The following CRK variants were observed in gnomAD, a reference collection of about 807,000 sequenced individuals.
CRK encodes CRK proto-oncogene, adaptor protein, also known as adapter molecule crk.
In CRK, 4 loss-of-function variants were observed where a neutral mutation model predicts 29.8. The ratio of observed to expected loss-of-function variants is 0.13; its 90% CI spans 0.07 to 0.31. CRK has a LOEUF of 0.31. Ranked by LOEUF, CRK falls within the 10% of genes least tolerant of loss-of-function variation. The probability of loss-of-function intolerance (pLI) is 1.00; values close to 1 mark genes in which losing one functional copy is unlikely to be tolerated. For missense variants in CRK, 274 were observed against 396.5 expected (o/e 0.69, Z 2.62); for synonymous variants, 153 against 164.9 (o/e 0.93, Z 0.55).
At chr17:1,440,457 T>C (rs1463637571) in intron 1 of CRK, among the ~76,000 whole-genome samples, 1 of 151,324 alleles carries the variant, frequency 6.6e-6, no homozygotes, top group Non-Finnish European at 1.5e-5. Context: ...AGCAAGACCT[T>C]GACTCTTAAA....
chr17:1,441,472 G>A (rs1257841398), intron 1 of CRK, among the ~76,000 whole-genome samples: 1 of 152,004 alleles, frequency 6.6e-6, no homozygotes, highest in Non-Finnish European at 1.5e-5. Flanking sequence ...GGGACTAAAG[G>A]TGCGGGTGGC....
At position 1,430,043 on chromosome 17, in the gene CRK, TGA is replaced by T. The variant is rs770793922; in HGVS notation, c.778-6395_778-6394del. Among the ~76,000 whole-genome samples, 653 of 145,706 alleles carry T rather than the reference TGA, an allele frequency of 4.5e-3. 1 individual carries two copies. The highest frequency in any genetic ancestry group is 0.014 in the Middle Eastern group (4 of 288). The stretch of plus-strand genomic sequence containing the variant: ...GATAATGGCTATGCCATAACTCAAA[TGA>T]TTTTTTTTTTTTTTTAAAGACAGAG... On this transcript the variant is annotated intron_variant, in intron 2 of 2. Coordinates refer to ENST00000300574, the MANE Select transcript of CRK (RefSeq NM_016823.4).
chr17:1,428,817 C>T (rs921822489), intron 2 of CRK, among the ~76,000 whole-genome samples: 4 of 151,660 alleles, frequency 2.6e-5, no homozygotes, highest in South Asian at 4.1e-4. Context: ...CCACCACGCC[C>T]GGCTCAGAAC....
chr17:1,447,607 CTTT>C (rs34998406), intron 1 of CRK, among the ~76,000 whole-genome samples: 55 of 117,798 alleles, frequency 4.7e-4, no homozygotes, highest in Admixed American at 2.5e-3. Flanking sequence ...TTCTCTTTTC[CTTT>C]TTTTTTTTTT....
At chr17:1,452,508 C>T (rs927368111) in intron 1 of CRK, among the ~76,000 whole-genome samples, 18 of 152,122 alleles carry the variant, frequency 1.2e-4, no homozygotes, top group Non-Finnish European at 1.5e-5. Flanking sequence ...ACAGACAGGC[C>T]AGGCGCTGGT....
At chr17:1,428,946 A>G (rs921795235) in intron 2 of CRK, among the ~76,000 whole-genome samples, 2 of 148,992 alleles carry the variant, frequency 1.3e-5, no homozygotes, top group African/African-American at 2.5e-5. Context: ...CCTGGGTTCA[A>G]GCGATTCTCC....
chr17:1,450,359 T>C (rs1308619061), intron 1 of CRK, among the ~76,000 whole-genome samples: 1 of 151,524 alleles, frequency 6.6e-6, no homozygotes, highest in Non-Finnish European at 1.5e-5. Context: ...TACAAAAAAT[T>C]AGCCGGGCAT....
Position 1,427,072 on chromosome 17 carries a change from A to AAAAAAAAAAAG in CRK, c.778-3423_778-3422insCTTTTTTTTTT, listed in dbSNP as rs778793991. 6.0e-4 allele frequency among the ~76,000 whole-genome samples: 55 copies of AAAAAAAAAAAG among 92,070 alleles called. 15 individuals are homozygous for AAAAAAAAAAAG. The highest frequency in any genetic ancestry group is 9.2e-4 in the Non-Finnish European group (44 of 47,910). The allele number at this position is 92,070 out of a possible 152,430, so 60.4% of individuals were successfully genotyped here. A position where few individuals can be genotyped will look rare whatever the true frequency, so the allele number is the denominator to read the frequency against. ...AAAAAAAAAAAAAAAAAAAAAAAAA[A>AAAAAAAAAAAG]GATTCTGACATGCCCCAGCCAGGCT... On this transcript the variant is annotated intron_variant, in intron 2 of 2. Transcript: ENST00000300574.
chr17:1,432,631 G>A (rs1297738564), intron 2 of CRK, among the ~76,000 whole-genome samples: 1 of 151,888 alleles, frequency 6.6e-6, no homozygotes, highest in East Asian at 1.9e-4. Context: ...TAAAAAATTA[G>A]CCAGGCGTGG....
At chr17:1,448,630 AAAAAAAAAAAAAG>A (rs1452088301) in intron 1 of CRK, among the ~76,000 whole-genome samples, 6 of 144,354 alleles carry the variant, frequency 4.2e-5, no homozygotes, top group Non-Finnish European at 7.6e-5. Context: ...CAAAAAAAAA[AAAAAAAAAAAAAG>A]AAAAAGTGGC....
intron 2 of CRK, among the ~76,000 whole-genome samples, chr17:1,434,554 G>A (rs1365129533): frequency 1.3e-5 from 2 of 152,034 alleles, no homozygotes; most frequent in African/African-American, 4.8e-5. Flanking sequence ...AGGCTGAGGC[G>A]GGTGGATCAC....
Position 1,429,248 on chromosome 17 carries a change from T to C in CRK, c.778-5598A>G, listed in dbSNP as rs555118939. 1.1e-3 allele frequency among the ~76,000 whole-genome samples: 174 copies of C among 152,172 alleles called. 1 individual carries two copies. The highest frequency in any genetic ancestry group is 4.0e-3 in the African/African-American group (168 of 41,518). On this transcript the variant is annotated intron_variant, in intron 2 of 2. Coordinates refer to ENST00000300574, the MANE Select transcript of CRK (RefSeq NM_016823.4). ...GGCCTGCACCTGTAGTCCCAGCTACTTGGGAGACTGAGGGGAGAGGAACCC... is the reference window on the plus strand; with the variant it reads ...GGCCTGCACCTGTAGTCCCAGCTACCTGGGAGACTGAGGGGAGAGGAACCC...
At chr17:1,432,087 T>C (rs1301547706) in intron 2 of CRK, among the ~76,000 whole-genome samples, 2 of 152,160 alleles carry the variant, frequency 1.3e-5, no homozygotes, top group African/African-American at 2.4e-5. Flanking sequence ...AGGAACTGTT[T>C]TACTGTCCAG....
chr17:1,447,862 C>T (rs1377833609), intron 1 of CRK, among the ~76,000 whole-genome samples: 3 of 152,110 alleles, frequency 2.0e-5, no homozygotes, highest in Admixed American at 2.0e-4. Context: ...AGTGATCAGC[C>T]AGCCTCAGCC....
intron 2 of CRK, among the ~76,000 whole-genome samples, chr17:1,435,467 G>A (rs2073879838): frequency 6.8e-6 from 1 of 146,544 alleles, no homozygotes. Context: ...AAGCAGAGAG[G>A]AAAAAAAAAA....
chr17:1,452,593 G>C (rs1328558548), intron 1 of CRK, among the ~76,000 whole-genome samples: 2 of 152,116 alleles, frequency 1.3e-5, no homozygotes, highest in African/African-American at 2.4e-5. Flanking sequence ...TTCGAGACCA[G>C]CCTGGCCAAC....
chr17:1,437,832 T>C (rs1010973754), intron 1 of CRK, among the ~76,000 whole-genome samples: 24 of 150,854 alleles, frequency 1.6e-4, no homozygotes, highest in African/African-American at 5.4e-4. Context: ...TTTTTTTTTT[T>C]TTTTTGTATT....
intron 1 of CRK, among the ~76,000 whole-genome samples, chr17:1,448,673 A>G (rs976154116): frequency 2.7e-5 from 4 of 150,896 alleles, no homozygotes; most frequent in African/African-American, 9.8e-5. Flanking sequence ...ATAGGTGCTC[A>G]ATAAAAAGCA....
chr17:1,427,761 C>T (rs2073795239), intron 2 of CRK, among the ~76,000 whole-genome samples: 1 of 151,600 alleles, frequency 6.6e-6, no homozygotes, highest in South Asian at 2.1e-4. Flanking sequence ...TCTCAAGTAG[C>T]TGGGACGACA....
Sources: gnomAD v4.1 joint callset for allele counts (sites outside exome capture counted in the v4.1 genomes callset) on GRCh38, gnomAD v4.1.1 for gene constraint, MANE v1.5 for transcripts, NCBI Gene and HGNC (gene_info 2026-07-23, HGNC 2026-07-21) for gene names.